Variants in COL4A2 observed in about 807,000 individuals in gnomAD.
COL4A2 encodes the protein collagen type IV alpha 2 chain.
A neutral mutation model predicts 200.2 loss-of-function variants in COL4A2; 99 were observed. That is an observed-to-expected ratio of 0.49 (90% CI 0.42 to 0.58). The LOEUF is 0.58. COL4A2 is among the 20% of genes least tolerant of loss of function. COL4A2 has a pLI of 0.00. For missense variants in COL4A2, 1,950 were observed against 2,314.1 expected, an observed-to-expected ratio of 0.84 and a Z score of 3.23; for synonymous variants, 897 against 900.6, an observed-to-expected ratio of 1.00 and a Z score of 0.07.
Position 110,508,356 on chromosome 13 carries a change from C to T in COL4A2, c.4881+135C>T, listed in dbSNP as rs571913412. On this transcript the variant is annotated intron_variant, in intron 47 of 47. Transcript: ENST00000360467. The surrounding 1 kb of genome is among the most constrained non-coding windows in gnomAD (Gnocchi z 6.1). Reference sequence around the variant, plus strand: ...GCACAAGGGTAGTTGGCCCAGGAAGCGAGCGAGAGCTGGAACACAGCTTAC... The same window carrying T: ...GCACAAGGGTAGTTGGCCCAGGAAGTGAGCGAGAGCTGGAACACAGCTTAC... 10 of 1,377,220 alleles carry T rather than the reference C, an allele frequency of 7.3e-6. No individual in the cohort carries two copies. The highest frequency in any genetic ancestry group is 4.3e-4 in the Middle Eastern group (2 of 4,678). The allele number at this position is 1,377,220 out of a possible 1,614,324, so 85.3% of individuals were successfully genotyped here.
intron 3 of COL4A2, among the ~76,000 whole-genome samples, chr13:110,308,786 A>T (rs1419547330): frequency 6.6e-6 from 1 of 152,190 alleles, no homozygotes; most frequent in Non-Finnish European, 1.5e-5. Context: ...GCAGCTGGCG[A>T]CTGCACTGCG....
chr13:110,367,501 G>T (rs1314923789), intron 4 of COL4A2, among the ~76,000 whole-genome samples: 1 of 152,208 alleles, frequency 6.6e-6, no homozygotes, highest in Non-Finnish European at 1.5e-5. Flanking sequence ...GCTCTGCATG[G>T]CAATAATTAC....
chr13:110,465,146 G>A (rs556775668), intron 24 of COL4A2, among the ~76,000 whole-genome samples: 105 of 152,298 alleles, frequency 6.9e-4, no homozygotes, highest in Non-Finnish European at 1.1e-3. Flanking sequence ...GGAGCTGGCG[G>A]GTGGGAAGAG....
At chr13:110,348,790 T>G (rs1204015695) in intron 3 of COL4A2, among the ~76,000 whole-genome samples, 3 of 152,198 alleles carry the variant, frequency 2.0e-5, no homozygotes, top group African/African-American at 7.2e-5. Context: ...GGAATTTGGG[T>G]TAGATGCTAG....
intron 3 of COL4A2, among the ~76,000 whole-genome samples, chr13:110,334,568 G>A (rs1876081634): frequency 6.6e-6 from 1 of 152,142 alleles, no homozygotes; most frequent in Admixed American, 6.5e-5. Flanking sequence ...TACCTGTCGT[G>A]GTCATGGCAC....
chr13:110,315,611 G>C (rs934580252), intron 3 of COL4A2, among the ~76,000 whole-genome samples: 12 of 152,108 alleles, frequency 7.9e-5, no homozygotes, highest in African/African-American at 2.9e-4. Flanking sequence ...GGCCAGGCTG[G>C]TTTCAAACTC....
intron 3 of COL4A2, among the ~76,000 whole-genome samples, chr13:110,348,300 T>C (rs1021035143): frequency 3.9e-5 from 6 of 152,156 alleles, no homozygotes; most frequent in Non-Finnish European, 8.8e-5. Context: ...TTCTGTAGAG[T>C]GAACACATTT....
chr13:110,352,976 A>C (rs552386056), intron 3 of COL4A2, among the ~76,000 whole-genome samples: 1 of 152,278 alleles, frequency 6.6e-6, no homozygotes, highest in South Asian at 2.1e-4. Flanking sequence ...TGCGAGCTTC[A>C]GTGGGGTCAG....
Position 110,506,723 on chromosome 13 carries a change from G to A in COL4A2, c.4594+117G>A, listed in dbSNP as rs541429828. 8.4e-4 allele frequency: 927 copies of A among 1,107,840 alleles called. 2 individuals are homozygous for A. The highest frequency in any genetic ancestry group is 9.6e-4 in the Non-Finnish European group (764 of 794,116). The allele number at this position is 1,107,840 out of a possible 1,614,324, so 68.6% of individuals were successfully genotyped here. On this transcript the variant is annotated intron_variant, in intron 46 of 47. Coordinates refer to ENST00000360467, the MANE Select transcript of COL4A2 (RefSeq NM_001846.4). ...CCACGGCTGGTAAGTTCCCCTGACG[G>A]AAGGGTCCATCTACATTCCTCGAGT... is the stretch of plus-strand genomic sequence containing the variant.
At chr13:110,445,942 AC>A (rs780693156) in intron 17 of COL4A2, 60 bp downstream of exon 17, 41 of 1,587,298 alleles carry the variant, frequency 2.6e-5, no homozygotes, top group Non-Finnish European at 3.5e-5. Context: ...GGCTGGCCTT[AC>A]TCCCCTCTTG....
chr13:110,504,189 G>T lies in COL4A2; in HGVS notation c.4327G>T (p.Gly1443Cys). 1 of 1,614,186 alleles carries T rather than the reference G, an allele frequency of 6.2e-7. No homozygotes were observed. Residue 1443 changes from glycine (G) to cysteine (C), a missense_variant, in exon 45 of 48, where the codon GGT becomes TGT. This residue lies in a region of COL4A2 where 1,385 missense variants were observed against 1,720.5 expected (regional missense o/e 0.80). Coordinates refer to ENST00000360467, the MANE Select transcript of COL4A2 (RefSeq NM_001846.4). ...AGGGAAAGCTGGGCCCCAAGGAAGA[G>T]GTGGTGTGTCTGCTGTTCCCGGCTT... The part of the protein sequence containing the change: ...APGKAGPQGR[G>C]GVSAVPGFRG...
chr13:110,314,914 A>G (rs549696921), intron 3 of COL4A2, among the ~76,000 whole-genome samples: 61 of 152,284 alleles, frequency 4.0e-4, no homozygotes, highest in African/African-American at 1.5e-3. Context: ...CCTGATAGAA[A>G]GGGACAGGCC....
At chr13:110,419,908 T>C (rs1469591147) in intron 4 of COL4A2, among the ~76,000 whole-genome samples, 1 of 152,234 alleles carries the variant, frequency 6.6e-6, no homozygotes, top group Non-Finnish European at 1.5e-5. Flanking sequence ...AGCCAGACCT[T>C]TCTACTGAGC....
intron 4 of COL4A2, among the ~76,000 whole-genome samples, chr13:110,378,830 C>T (rs889723116): frequency 6.6e-6 from 1 of 152,062 alleles, no homozygotes; most frequent in African/African-American, 2.4e-5. Context: ...AATTCGGTCC[C>T]GCGGTGTATT....
intron 3 of COL4A2, among the ~76,000 whole-genome samples, chr13:110,354,470 T>G (rs185613684): frequency 6.6e-6 from 1 of 152,302 alleles, no homozygotes; most frequent in East Asian, 1.9e-4. Flanking sequence ...GATCGTGTTT[T>G]CAGGGCGTGA....
intron 3 of COL4A2, among the ~76,000 whole-genome samples, chr13:110,351,125 T>A (rs1183926677): frequency 6.6e-6 from 1 of 152,178 alleles, no homozygotes; most frequent in Non-Finnish European, 1.5e-5. Context: ...CTCGGCTCAC[T>A]GCAACCTCCA....
At chr13:110,474,676 TACAC>T (rs113248165) in intron 29 of COL4A2, among the ~76,000 whole-genome samples, 4 of 56,024 alleles carry the variant, frequency 7.1e-5, no homozygotes, top group Non-Finnish European at 1.6e-4. Context: ...TCACACTCCT[TACAC>T]ACGTACCCAC....
intron 41 of COL4A2, among the ~76,000 whole-genome samples, chr13:110,502,417 C>T (rs1190754723): frequency 1.3e-5 from 2 of 152,260 alleles, no homozygotes; most frequent in South Asian, 2.1e-4. Context: ...CTCCGCCTCC[C>T]GGGTTCAAGG....
chr13:110,379,220 C>T (rs903006765), intron 4 of COL4A2, among the ~76,000 whole-genome samples: 2 of 152,202 alleles, frequency 1.3e-5, no homozygotes, highest in African/African-American at 4.8e-5. Flanking sequence ...GACGCTGCTA[C>T]ACATCCTATA....
Sources: gnomAD v4.1 joint callset for allele counts (sites outside exome capture counted in the v4.1 genomes callset) on GRCh38, gnomAD v4.1.1 for gene constraint, gnomAD v4.1.1 regional missense constraint, Gnocchi (gnomAD v3.1) non-coding constraint, MANE v1.5 for transcripts, NCBI Gene and HGNC (gene_info 2026-07-23, HGNC 2026-07-21) for gene names.